SPATA13: variants seen among roughly 807,000 people sequenced by gnomAD.
The protein encoded by SPATA13 is spermatogenesis associated 13, also known as spermatogenesis-associated protein 13.
SPATA13 carries 50 observed loss-of-function variants against 104.0 expected under a neutral mutation model. The observed-to-expected ratio is 0.48, with a 90% confidence interval of 0.38 to 0.61. The LOEUF (loss-of-function observed/expected upper bound fraction) is 0.61, where lower values mean the gene tolerates loss of function less well. SPATA13 is among the 20% of genes least tolerant of loss of function. The pLI, the probability that SPATA13 is intolerant of heterozygous loss-of-function variation, is 0.00. For synonymous variants in SPATA13, 606 were observed against 667.5 expected (o/e 0.91, Z 1.42); for missense variants, 1,524 against 1,690.6 (o/e 0.90, Z 1.73).
intron 3 of SPATA13, among the ~76,000 whole-genome samples, chr13:24,057,857 C>T (rs1469570006): frequency 6.6e-6 from 1 of 151,754 alleles, no homozygotes; most frequent in Non-Finnish European, 1.5e-5. Context: ...CTAAGAGAGA[C>T]TCCAGATTCC....
At chr13:24,076,160 C>T (rs936243232) in intron 3 of SPATA13, among the ~76,000 whole-genome samples, 11 of 152,066 alleles carry the variant, frequency 7.2e-5, no homozygotes, top group African/African-American at 2.7e-4. Context: ...CTGAGAAGTT[C>T]TTAGAAATTC....
chr13:24,292,022 C>T (rs1363544718), intron 9 of SPATA13, among the ~76,000 whole-genome samples: 2 of 152,082 alleles, frequency 1.3e-5, no homozygotes, highest in Non-Finnish European at 2.9e-5. Context: ...TCCCAAAGTG[C>T]TGGGATTACA....
intron 2 of SPATA13, among the ~76,000 whole-genome samples, chr13:24,232,736 G>C (rs1011191198): frequency 7.2e-5 from 11 of 152,258 alleles, no homozygotes; most frequent in African/African-American, 2.6e-4. Flanking sequence ...TTTTGTAGAG[G>C]TGGGGTTTTG....
At chr13:24,037,651 A>G (rs1000679677) in intron 3 of SPATA13, among the ~76,000 whole-genome samples, 2 of 151,664 alleles carry the variant, frequency 1.3e-5, no homozygotes, top group South Asian at 2.1e-4. Context: ...CTCGTGATCC[A>G]CCTGCCTCGG....
At chr13:24,063,086 C>CA (rs1878831619) in intron 3 of SPATA13, among the ~76,000 whole-genome samples, 1 of 151,942 alleles carries the variant, frequency 6.6e-6, no homozygotes, top group Non-Finnish European at 1.5e-5. Context: ...GCCTGAGACC[C>CA]AGCCCTGCCC....
At chr13:24,114,906 C>T (rs761525741) in intron 3 of SPATA13, among the ~76,000 whole-genome samples, 32 of 152,294 alleles carry the variant, frequency 2.1e-4, no homozygotes, top group Non-Finnish European at 3.5e-4. Context: ...TGGTGATCCG[C>T]CCACCTCGGC....
At chr13:24,039,619 T>C (rs1367836974) in intron 3 of SPATA13, among the ~76,000 whole-genome samples, 2 of 152,178 alleles carry the variant, frequency 1.3e-5, no homozygotes, top group African/African-American at 2.4e-5. Flanking sequence ...TCTTAGTTCT[T>C]GCTCTGGTTG....
chr13:24,225,537 C>G (rs1382969009), intron 2 of SPATA13, among the ~76,000 whole-genome samples: 2 of 152,232 alleles, frequency 1.3e-5, no homozygotes, highest in African/African-American at 2.4e-5. Context: ...TTACAGCAAG[C>G]AGGGGGGCTT....
chr13:24,284,294 T>C (rs1875758282), intron 5 of SPATA13, 23 bp downstream of exon 5: 1 of 1,608,030 alleles, frequency 6.2e-7, no homozygotes, highest in Non-Finnish European at 8.5e-7. Flanking sequence ...CACACGACAG[T>C]AGTGGATACG....
chr13:24,091,671 C>T (rs983562373), intron 3 of SPATA13, among the ~76,000 whole-genome samples: 14 of 152,112 alleles, frequency 9.2e-5, no homozygotes, highest in African/African-American at 2.7e-4. Context: ...AGTAGCTAAG[C>T]GTGGTGGTGT....
chr13:24,080,999 T>C (rs1879496760), intron 3 of SPATA13, among the ~76,000 whole-genome samples: 1 of 152,206 alleles, frequency 6.6e-6, no homozygotes, highest in African/African-American at 2.4e-5. Context: ...TGTCATCCTC[T>C]GGTAAGGAAA....
intron 3 of SPATA13, among the ~76,000 whole-genome samples, chr13:24,120,251 T>C (rs1036455627): frequency 6.6e-6 from 1 of 152,198 alleles, no homozygotes; most frequent in Non-Finnish European, 1.5e-5. Flanking sequence ...TAAATGGTTA[T>C]TGAGAAATTG....
intron 3 of SPATA13, among the ~76,000 whole-genome samples, chr13:24,134,147 G>T (rs1018067554): frequency 3.9e-5 from 6 of 152,234 alleles, no homozygotes; most frequent in Non-Finnish European, 5.9e-5. Flanking sequence ...CAAGAGAGCT[G>T]CAAAAGCTGT....
At chr13:24,096,595 A>T (rs1462190781) in intron 3 of SPATA13, among the ~76,000 whole-genome samples, 6 of 152,310 alleles carry the variant, frequency 3.9e-5, no homozygotes, top group South Asian at 4.1e-4. Flanking sequence ...TGTCTAAAAA[A>T]AATAATAATA....
chr13:24,268,733 T>C (rs1294677421), intron 4 of SPATA13, among the ~76,000 whole-genome samples: 1 of 152,208 alleles, frequency 6.6e-6, no homozygotes, highest in East Asian at 1.9e-4. Flanking sequence ...CACTCCAGCC[T>C]GAGTGACAGA....
intron 3 of SPATA13, among the ~76,000 whole-genome samples, chr13:24,147,006 T>C (rs1482078487): frequency 7.2e-5 from 11 of 152,084 alleles, no homozygotes; most frequent in Admixed American, 5.9e-4. Flanking sequence ...AGTCTTGAAA[T>C]ATGTCAATAA....
rs192031948 is a variant in SPATA13, at chr13:24,085,937, A to T, written c.-112+68236A>T. Reference sequence around the variant, plus strand: ...AGGTTCTTTAGAAGGCAGAGAAGCCAGAGAGGGTTTCCAGGGAGAGAGGGA... The same window carrying T: ...AGGTTCTTTAGAAGGCAGAGAAGCCTGAGAGGGTTTCCAGGGAGAGAGGGA... On this transcript the variant is annotated intron_variant, in intron 3 of 14. Coordinates refer to the SPATA13 transcript ENST00000424834. Among the ~76,000 whole-genome samples the T allele has an allele frequency of 1.3e-4, 20 of 152,392 alleles. No individual in the cohort carries two copies. The East Asian group carries it at 3.7e-3, about 28-fold the overall frequency.
chr13:24,226,947 C>T (rs954772615), intron 2 of SPATA13, among the ~76,000 whole-genome samples: 2 of 152,158 alleles, frequency 1.3e-5, no homozygotes, highest in Non-Finnish European at 2.9e-5. Context: ...CTGAGGTTCC[C>T]GTGGAGAGCT....
intron 1 of SPATA13, among the ~76,000 whole-genome samples, chr13:24,212,967 G>C (rs1871106942): frequency 6.6e-6 from 1 of 152,264 alleles, no homozygotes; most frequent in African/African-American, 2.4e-5. Flanking sequence ...TAGAGGAGCT[G>C]ACCTTGGAGC....
Sources: gnomAD v4.1 joint callset for allele counts (sites outside exome capture counted in the v4.1 genomes callset) on GRCh38, gnomAD v4.1.1 for gene constraint, MANE v1.5 for transcripts, NCBI Gene and HGNC (gene_info 2026-07-23, HGNC 2026-07-21) for gene names.